DPP6: variants seen among roughly 807,000 people sequenced by gnomAD.
DPP6 encodes A-type potassium channel modulatory protein DPP6.
In DPP6, 69 loss-of-function variants were observed where a neutral mutation model predicts 122.6. The observed-to-expected ratio is 0.56, with a 90% CI of 0.46 to 0.69. The LOEUF (loss-of-function observed/expected upper bound fraction) is 0.69. Ranked by LOEUF, DPP6 falls within the 30% of genes least tolerant of loss-of-function variation. The probability of loss-of-function intolerance (pLI) is 0.00; values close to 1 mark genes in which losing one functional copy is unlikely to be tolerated. For missense variants in DPP6, 928 were observed against 1,116.9 expected (o/e 0.83, Z 2.41); for synonymous variants, 418 against 433.1 (o/e 0.97, Z 0.43).
chr7:154,350,943 G>C (rs1182216889), intron 1 of DPP6, among the ~76,000 whole-genome samples: 1 of 152,196 alleles, frequency 6.6e-6, no homozygotes, highest in Non-Finnish European at 1.5e-5. Context: ...CTCCTGCGCT[G>C]AGGCTGTTCC....
At chr7:153,791,179 C>T in the DPP6 span, among the ~76,000 whole-genome samples, 58,323 of 151,902 alleles carry the variant, frequency 0.38, 11,485 homozygotes, top group South Asian at 0.48. Context: ...ATACTCTTAA[C>T]GTAGTATACT....
At chr7:154,105,165 C>T (rs796715689) in intron 1 of DPP6, among the ~76,000 whole-genome samples, 6 of 152,318 alleles carry the variant, frequency 3.9e-5, no homozygotes, top group African/African-American at 9.6e-5. Flanking sequence ...GAATTTGACT[C>T]GACCGTTTGT....
Position 154,625,675 on chromosome 7 carries a change from C to T in DPP6, c.628-12146C>T, listed in dbSNP as rs185029876. Among the ~76,000 whole-genome samples, 3 of 152,328 alleles carry T rather than the reference C, an allele frequency of 2.0e-5. No individual in the cohort carries two copies. The East Asian group carries it at 5.8e-4, about 29-fold the overall frequency. ...CAGGGGGCTGACAGGTGAAATACAGCAGGGAAGGCTGCAAAGAAGCCCCAA... is the reference window on the plus strand; with the variant it reads ...CAGGGGGCTGACAGGTGAAATACAGTAGGGAAGGCTGCAAAGAAGCCCCAA... On this transcript the variant is annotated intron_variant, in intron 5 of 25. Coordinates refer to ENST00000377770, the MANE Select transcript of DPP6 (RefSeq NM_130797.4).
intron 1 of DPP6, among the ~76,000 whole-genome samples, chr7:153,982,237 C>A (rs567867980): frequency 6.6e-6 from 1 of 151,378 alleles, no homozygotes; most frequent in Middle Eastern, 3.2e-3. Flanking sequence ...AGGTTTTGTT[C>A]GTTTCTTTTC....
chr7:153,800,355 T>C, the DPP6 span, among the ~76,000 whole-genome samples: 2 of 152,142 alleles, frequency 1.3e-5, no homozygotes, highest in East Asian at 3.8e-4. Context: ...CTCACTCATA[T>C]TTAAGAGCTA....
chr7:153,888,264 C>T (rs1476347096), intron 1 of DPP6, among the ~76,000 whole-genome samples: 1 of 152,222 alleles, frequency 6.6e-6, no homozygotes, highest in Non-Finnish European at 1.5e-5. Flanking sequence ...GGGCGGGACC[C>T]TGCTCCCTGG....
At chr7:154,339,081 G>A (rs1364226748) in intron 1 of DPP6, among the ~76,000 whole-genome samples, 1 of 152,212 alleles carries the variant, frequency 6.6e-6, no homozygotes, top group African/African-American at 2.4e-5. Context: ...CTTAAAATAA[G>A]TGCTTGATGG....
At chr7:154,608,655 C>T (rs1833727060) in intron 5 of DPP6, among the ~76,000 whole-genome samples, 1 of 151,974 alleles carries the variant, frequency 6.6e-6, no homozygotes, top group South Asian at 2.1e-4. Context: ...TTCTTTGTTG[C>T]TGTTTTCCTT....
chr7:153,933,447 A>G (rs1172513436), intron 1 of DPP6, among the ~76,000 whole-genome samples: 1 of 152,160 alleles, frequency 6.6e-6, no homozygotes, highest in Non-Finnish European at 1.5e-5. Flanking sequence ...TAGAAGGAAA[A>G]ACAGTACAAG....
At chr7:154,515,775 GTTTC>G (rs1406777140) in intron 3 of DPP6, among the ~76,000 whole-genome samples, 3 of 152,064 alleles carry the variant, frequency 2.0e-5, no homozygotes, top group African/African-American at 7.2e-5. Flanking sequence ...CGCCTGGCCT[GTTTC>G]TTTATGAGTA....
At chr7:154,506,828 CA>C (rs2129718248) in intron 3 of DPP6, among the ~76,000 whole-genome samples, 1 of 152,308 alleles carries the variant, frequency 6.6e-6, no homozygotes, top group South Asian at 2.1e-4. Context: ...GGGATAACTA[CA>C]GAGAAGCGCT....
At chr7:154,574,317 GTGTA>G (rs1464232905) in intron 5 of DPP6, among the ~76,000 whole-genome samples, 1 of 135,290 alleles carries the variant, frequency 7.4e-6, no homozygotes, top group African/African-American at 2.8e-5. Context: ...GTGGTGTGCT[GTGTA>G]TGTGTGTGTG....
intron 1 of DPP6, among the ~76,000 whole-genome samples, chr7:153,924,102 A>G (rs7805704): frequency 0.63 from 94,829 of 151,386 alleles, 30,092 homozygotes; most frequent in African/African-American, 0.72. Context: ...AATAACAGTA[A>G]TGTGTATTAT....
At chr7:154,267,485 CAT>C (rs990919977) in intron 1 of DPP6, among the ~76,000 whole-genome samples, 31 of 150,342 alleles carry the variant, frequency 2.1e-4, no homozygotes, top group African/African-American at 5.6e-4. Context: ...AACACATACA[CAT>C]GTGTACACAC....
chr7:154,458,681 C>G (rs937550992), intron 2 of DPP6, among the ~76,000 whole-genome samples: 5 of 152,162 alleles, frequency 3.3e-5, no homozygotes, highest in Admixed American at 2.0e-4. Flanking sequence ...AATGGCATTG[C>G]CACTTTTACG....
At chr7:154,053,153 G>C (rs541898873) in intron 1 of DPP6, 90 bp downstream of exon 1, 1 of 871,384 alleles carries the variant, frequency 1.1e-6, no homozygotes, top group Admixed American at 6.2e-5. Flanking sequence ...TTTTTTTGGG[G>C]GGGGAATCAG....
At chr7:154,286,049 A>G (rs536965324) in intron 1 of DPP6, among the ~76,000 whole-genome samples, 17 of 152,186 alleles carry the variant, frequency 1.1e-4, no homozygotes, top group Non-Finnish European at 2.5e-4. Context: ...AGTATTTTAA[A>G]AACATAGATT....
intron 1 of DPP6, among the ~76,000 whole-genome samples, chr7:154,149,833 C>T (rs187227345): frequency 1.2e-3 from 186 of 152,246 alleles, no homozygotes; most frequent in Middle Eastern, 6.8e-3. Context: ...CACTCCCCAC[C>T]GTGGTACCCC....
chr7:154,127,722 G>T (rs1448716245), intron 1 of DPP6, among the ~76,000 whole-genome samples: 1 of 151,582 alleles, frequency 6.6e-6, no homozygotes, highest in Non-Finnish European at 1.5e-5. Context: ...CTTTCCAATG[G>T]CATCGTTGCC....
Sources: allele counts gnomAD v4.1 joint callset (sites outside exome capture counted in the v4.1 genomes callset), GRCh38; gene constraint gnomAD v4.1.1; transcripts MANE v1.5; gene names NCBI Gene and HGNC (gene_info 2026-07-23, HGNC 2026-07-21).